UHRF2: variants seen among roughly 807,000 people sequenced by gnomAD.
UHRF2 encodes the protein E3 ubiquitin-protein ligase UHRF2.
In UHRF2, 23 loss-of-function variants were observed where a neutral mutation model predicts 96.8. The ratio of observed to expected loss-of-function variants is 0.24; its 90% CI spans 0.17 to 0.34. The LOEUF (loss-of-function observed/expected upper bound fraction) is 0.34, where lower values mean the gene tolerates loss of function less well. UHRF2 is among the 10% of genes least tolerant of loss of function. The pLI is 1.00. For missense variants in UHRF2, 685 were observed against 981.5 expected, an observed-to-expected ratio of 0.70 and a Z score of 4.04; for synonymous variants, 385 against 332.6, an observed-to-expected ratio of 1.16 and a Z score of -1.72.
chr9:6,500,656 T>A lies in UHRF2; in HGVS notation c.2110T>A (p.Cys704Ser), dbSNP rs771754691. ...PQQQHLIREDCQNQKLWDEVL... is the reference protein window; with the variant it reads ...PQQQHLIREDSQNQKLWDEVL... Reference sequence around the variant, plus strand: ...ACAGCAACATCTCATCAGAGAAGATTGTCAAAACCAGAAGCTGTGGGATGA... The same window carrying A: ...ACAGCAACATCTCATCAGAGAAGATAGTCAAAACCAGAAGCTGTGGGATGA... The change falls in exon 14 of 16, where the codon TGT (cysteine) becomes AGT (serine). Residue 704 changes from cysteine to serine, a missense_variant. By Grantham distance (112) the Cys-to-Ser change is moderately radical (BLOSUM62 -1). This residue lies in a region of UHRF2 where 99 missense variants were observed against 73.5 expected (regional missense o/e 1.35). Transcript: ENST00000276893. 5 of 1,613,836 alleles carry A rather than the reference T, an allele frequency of 3.1e-6. No homozygotes were observed. In the South Asian group the frequency reaches 5.5e-5, roughly 18 times the overall value.
At chr9:6,488,732 C>G (rs570696503) in intron 9 of UHRF2, among the ~76,000 whole-genome samples, 80 of 151,370 alleles carry the variant, frequency 5.3e-4, no homozygotes, top group Middle Eastern at 3.4e-3. Context: ...GAACTCCTGG[C>G]CTCAGGTGAT....
At chr9:6,440,603 C>T (rs147819446) in intron 3 of UHRF2, among the ~76,000 whole-genome samples, 91 of 152,282 alleles carry the variant, frequency 6.0e-4, no homozygotes, top group African/African-American at 2.1e-3. Flanking sequence ...AAGCAAAAAG[C>T]ACACACGCAA....
intron 2 of UHRF2, among the ~76,000 whole-genome samples, chr9:6,425,339 T>C (rs997367024): frequency 3.7e-4 from 57 of 152,226 alleles, no homozygotes; most frequent in African/African-American, 1.3e-3. Flanking sequence ...GTGGGTGTTT[T>C]GTTTTTCTTA....
At chr9:6,495,127 T>A (rs1824887330) in intron 10 of UHRF2, 1 of 152,216 alleles carries the variant, frequency 6.6e-6, no homozygotes, top group Admixed American at 6.5e-5. Flanking sequence ...TATTTTTCCC[T>A]TTAATAATCG....
At chr9:6,505,229 C>A (rs1169701097) in intron 15 of UHRF2, among the ~76,000 whole-genome samples, 5 of 151,864 alleles carry the variant, frequency 3.3e-5, no homozygotes, top group African/African-American at 1.2e-4. Context: ...TGTGCCTGAT[C>A]TTGAGTTAAC....
In UHRF2 at chr9:6,481,715, G is replaced by T. The variant is rs144776908; in HGVS notation, c.1233G>T (p.Lys411Asn). 1 of 1,613,914 alleles carries T rather than the reference G, an allele frequency of 6.2e-7. No individual in the cohort carries two copies. The highest frequency in any genetic ancestry group is 2.2e-5 in the East Asian group (1 of 44,864). ...GTGAAAGACTCAAGATGAGTAAAAA[G>T]AAAGCAAAGATGCCGTCAGCTAGTA... is the stretch of plus-strand genomic sequence containing the variant. ...KAGERLKMSK[K>N]KAKMPSASTE... The change falls in exon 7 of 16, where the codon AAG (lysine) becomes AAT (asparagine). Residue 411 changes from lysine to asparagine, a missense_variant. Lys to Asn is a moderately conservative substitution (Grantham distance 94). Coordinates refer to ENST00000276893, the MANE Select transcript of UHRF2 (RefSeq NM_152896.3).
In UHRF2 at chr9:6,486,943, C is replaced by G. The variant is rs542503984; in HGVS notation, c.1497+18C>G. The G allele has an allele frequency of 8.7e-6, 14 of 1,610,500 alleles. No homozygotes were observed. The highest frequency in any genetic ancestry group is 2.2e-5 in the East Asian group (1 of 44,822). Reference sequence around the variant, plus strand: ...ATGAAGTCGTAAGTCATTATACAACCTTACTCATTAGTACCTGCCTTGACC... The same window carrying G: ...ATGAAGTCGTAAGTCATTATACAACGTTACTCATTAGTACCTGCCTTGACC... On this transcript the variant is annotated intron_variant, in intron 9 of 15. Coordinates refer to ENST00000276893, the MANE Select transcript of UHRF2 (RefSeq NM_152896.3).
intron 5 of UHRF2, 68 bp downstream of exon 5, chr9:6,475,568 C>A: frequency 2.5e-6 from 2 of 796,322 alleles, no homozygotes; most frequent in South Asian, 5.9e-5. Context: ...TTTTACTGGT[C>A]AGTGAATAAC....
In UHRF2 at chr9:6,500,360, G is replaced by T. The variant is rs1437787656; in HGVS notation, c.2006-192G>T. 2.6e-5 allele frequency among the ~76,000 whole-genome samples: 4 copies of T among 152,178 alleles called. 1 individual carries two copies. Among genetic ancestry groups the T allele is most frequent in the African/African-American group, 4.8e-5 (2 of 41,452 alleles). On this transcript the variant is annotated intron_variant, in intron 13 of 15. Coordinates refer to ENST00000276893, the MANE Select transcript of UHRF2 (RefSeq NM_152896.3). The stretch of plus-strand genomic sequence containing the variant: ...GGCTGGGGGGGCATGGTAGAAGATG[G>T]ATCTTTTGTTTAATAGTGTCAGAGC...
In UHRF2 at chr9:6,500,644, A is replaced by G; in HGVS notation, c.2098A>G (p.Ile700Val). ...FQLTPQQQHL[I>V]REDCQNQKLW... The stretch of plus-strand genomic sequence containing the variant: ...ACTAACTCCTCAACAGCAACATCTC[A>G]TCAGAGAAGATTGTCAAAACCAGAA... Residue 700 changes from isoleucine (I) to valine (V), a missense_variant, in exon 14 of 16, where the codon ATC becomes GTC. Around this residue, in one of 6 missense-constraint regions of UHRF2, gnomAD observed 99 missense variants for 73.5 expected, o/e 1.35. Coordinates refer to ENST00000276893, the MANE Select transcript of UHRF2 (RefSeq NM_152896.3). The G allele has an allele frequency of 2.5e-6, 4 of 1,597,574 alleles. No homozygotes were observed. Among genetic ancestry groups the G allele is most frequent in the Non-Finnish European group, 3.4e-6 (4 of 1,165,254 alleles).
chr9:6,496,312 C>G (rs1447725750), intron 10 of UHRF2: 1 of 151,944 alleles, frequency 6.6e-6, no homozygotes, highest in Non-Finnish European at 1.5e-5. Context: ...CGTAGGTGTC[C>G]TAGAGGAAAA....
intron 2 of UHRF2, among the ~76,000 whole-genome samples, chr9:6,429,982 G>T (rs1820478100): frequency 6.6e-6 from 1 of 152,228 alleles, no homozygotes; most frequent in African/African-American, 2.4e-5. Context: ...AAAAATATTA[G>T]ATATTTGGAC....
chr9:6,480,561 T>C (rs1823865099), intron 6 of UHRF2, among the ~76,000 whole-genome samples: 1 of 152,250 alleles, frequency 6.6e-6, no homozygotes, highest in Non-Finnish European at 1.5e-5. Context: ...TTAAATCTTT[T>C]CTGCTTCTCC....
chr9:6,434,631 G>C (rs1410564207), intron 3 of UHRF2, among the ~76,000 whole-genome samples: 2 of 151,984 alleles, frequency 1.3e-5, no homozygotes. Flanking sequence ...TAGAGATGGG[G>C]TTTCATCATG....
At chr9:6,430,734 C>A (rs547672462) in intron 2 of UHRF2, among the ~76,000 whole-genome samples, 1 of 152,258 alleles carries the variant, frequency 6.6e-6, no homozygotes, top group South Asian at 2.1e-4. Context: ...CATCTTGTTT[C>A]CCCTGCCTTG....
intron 14 of UHRF2, among the ~76,000 whole-genome samples, chr9:6,500,960 C>G (rs781386342): frequency 7.2e-5 from 11 of 152,142 alleles, no homozygotes; most frequent in Non-Finnish European, 1.6e-4. Flanking sequence ...GGTACTGTTC[C>G]TCAGAAGAAT....
chr9:6,460,463 T>C, intron 3 of UHRF2, 110 bp from the exon 4 acceptor site: 1 of 899,576 alleles, frequency 1.1e-6, no homozygotes, highest in East Asian at 2.6e-5. Context: ...TCAACCTATT[T>C]TACTCTTTCT....
chr9:6,441,096 T>A (rs1338039322), intron 3 of UHRF2, among the ~76,000 whole-genome samples: 1 of 152,200 alleles, frequency 6.6e-6, no homozygotes, highest in East Asian at 1.9e-4. Flanking sequence ...ATGCAAATTC[T>A]TGGCCTGTGC....
intron 8 of UHRF2, among the ~76,000 whole-genome samples, chr9:6,484,170 A>C (rs995542101): frequency 6.6e-6 from 1 of 151,644 alleles, no homozygotes; most frequent in Admixed American, 6.6e-5. Flanking sequence ...TTCTGGGCTC[A>C]AGTGATCATT....
Sources: allele counts gnomAD v4.1 joint callset (sites outside exome capture counted in the v4.1 genomes callset), GRCh38; gene constraint gnomAD v4.1.1; regional missense constraint gnomAD v4.1.1; transcripts MANE v1.5; gene names NCBI Gene and HGNC (gene_info 2026-07-23, HGNC 2026-07-21).